SUPT3H: variants seen among roughly 807,000 people sequenced by gnomAD.
The protein encoded by SUPT3H is SPT3 homolog, SAGA and STAGA complex component.
In SUPT3H, 44 loss-of-function variants were observed where a neutral mutation model predicts 44.3. That is an observed-to-expected ratio of 0.99 (90% CI 0.78 to 1.28). The LOEUF is 1.28. SUPT3H is among the 50% of genes most tolerant of loss of function. The probability of loss-of-function intolerance (pLI) is 0.00; values close to 1 mark genes in which losing one functional copy is unlikely to be tolerated. For synonymous variants in SUPT3H, 124 were observed against 125.6 expected (o/e 0.99, Z 0.09); for missense variants, 380 against 387.1 (o/e 0.98, Z 0.15).
chr6:45,060,764 A>C (rs1791876488), intron 3 of SUPT3H, among the ~76,000 whole-genome samples: 1 of 152,178 alleles, frequency 6.6e-6, no homozygotes, highest in African/African-American at 2.4e-5. Flanking sequence ...AAAAATACAC[A>C]ACCCCATTAA....
intron 3 of SUPT3H, among the ~76,000 whole-genome samples, chr6:45,056,672 T>C (rs1460263137): frequency 1.3e-5 from 2 of 152,104 alleles, no homozygotes; most frequent in Non-Finnish European, 2.9e-5. Context: ...GGCATGAGAA[T>C]GACACAGTGG....
At chr6:45,239,173 G>C (rs538461135) in intron 2 of SUPT3H, among the ~76,000 whole-genome samples, 1 of 152,154 alleles carries the variant, frequency 6.6e-6, no homozygotes, top group South Asian at 2.1e-4. Flanking sequence ...ACAATTAATT[G>C]AAAGTGCTCA....
intron 2 of SUPT3H, among the ~76,000 whole-genome samples, chr6:45,247,851 G>A (rs1398871258): frequency 6.6e-6 from 1 of 152,166 alleles, no homozygotes; most frequent in Non-Finnish European, 1.5e-5. Context: ...TCAAGACAGT[G>A]TGGTAATGGA....
chr6:44,956,922 C>G (rs1055866308), intron 7 of SUPT3H, among the ~76,000 whole-genome samples: 1 of 152,160 alleles, frequency 6.6e-6, no homozygotes, highest in Non-Finnish European at 1.5e-5. Context: ...GAAGACCATG[C>G]CTTATGTCTC....
chr6:44,818,441 A>G (rs1029633975), intron 11 of SUPT3H, among the ~76,000 whole-genome samples: 2 of 152,162 alleles, frequency 1.3e-5, no homozygotes, highest in African/African-American at 4.8e-5. Flanking sequence ...CATACAGTAT[A>G]AGCCATAAAA....
intron 10 of SUPT3H, among the ~76,000 whole-genome samples, chr6:44,928,885 A>AATAAAT (rs1424280912): frequency 9.9e-5 from 12 of 120,686 alleles, no homozygotes; most frequent in African/African-American, 4.0e-4. Context: ...TCCGTCTCAA[A>AATAAAT]AAAAAAAAAA....
intron 2 of SUPT3H, among the ~76,000 whole-genome samples, chr6:45,295,532 A>C (rs1781018310): frequency 6.9e-6 from 1 of 145,302 alleles, no homozygotes; most frequent in African/African-American, 2.6e-5. Flanking sequence ...AGCAAAAAAA[A>C]AAAAAAAAAA....
intron 2 of SUPT3H, among the ~76,000 whole-genome samples, chr6:45,319,294 A>G (rs1159718073): frequency 6.6e-6 from 1 of 152,172 alleles, no homozygotes; most frequent in Non-Finnish European, 1.5e-5. Flanking sequence ...TTGGAACTTT[A>G]TCATAAATGA....
At chr6:45,029,345 A>ATG (rs1403928379) in intron 3 of SUPT3H, among the ~76,000 whole-genome samples, 1 of 141,638 alleles carries the variant, frequency 7.1e-6, no homozygotes, top group Non-Finnish European at 1.5e-5. Flanking sequence ...TTGTATGTGT[A>ATG]TATATATATA....
chr6:44,907,628 A>G (rs2153451449), intron 10 of SUPT3H, among the ~76,000 whole-genome samples: 1 of 152,334 alleles, frequency 6.6e-6, no homozygotes, highest in South Asian at 2.1e-4. Flanking sequence ...CAGTGAGCCC[A>G]GATCATGCCA....
intron 2 of SUPT3H, among the ~76,000 whole-genome samples, chr6:45,253,516 C>T (rs548811508): frequency 6.6e-6 from 1 of 152,112 alleles, no homozygotes; most frequent in Admixed American, 6.5e-5. Context: ...ATAAGCTGGG[C>T]CCAGTGGCTC....
chr6:45,261,689 T>C (rs1774393081), intron 2 of SUPT3H, among the ~76,000 whole-genome samples: 2 of 152,022 alleles, frequency 1.3e-5, no homozygotes, highest in Admixed American at 1.3e-4. Context: ...GCCACCACTC[T>C]CACCACATCT....
At chr6:45,357,062 A>G (rs1419787031) in intron 2 of SUPT3H, among the ~76,000 whole-genome samples, 1 of 152,152 alleles carries the variant, frequency 6.6e-6, no homozygotes, top group Non-Finnish European at 1.5e-5. Context: ...GCTGGAGTGC[A>G]GTGGCACGAT....
chr6:44,885,668 A>C (rs1762139870), intron 10 of SUPT3H, among the ~76,000 whole-genome samples: 1 of 152,208 alleles, frequency 6.6e-6, no homozygotes. Flanking sequence ...GATGGGGAAA[A>C]AACAGAGCAG....
chr6:44,819,787 AAAAGG>A (rs1323281212), intron 11 of SUPT3H, among the ~76,000 whole-genome samples: 6 of 152,100 alleles, frequency 3.9e-5, no homozygotes, highest in African/African-American at 1.4e-4. Context: ...AAAAAAAGAA[AAAAGG>A]AAATATATTG....
At chr6:45,204,393 T>C (rs1383404178) in intron 2 of SUPT3H, among the ~76,000 whole-genome samples, 1 of 152,078 alleles carries the variant, frequency 6.6e-6, no homozygotes. Context: ...GATACAGCCA[T>C]GCAGAAGATA....
chr6:45,053,988 A>G (rs1486347354), intron 3 of SUPT3H, among the ~76,000 whole-genome samples: 9 of 148,938 alleles, frequency 6.0e-5, no homozygotes, highest in African/African-American at 2.2e-4. Flanking sequence ...GTGACAGGTG[A>G]GCTCGCCTAT....
At chr6:45,024,713 AGT>A (rs1483247138) in intron 3 of SUPT3H, among the ~76,000 whole-genome samples, 1 of 152,108 alleles carries the variant, frequency 6.6e-6, no homozygotes, top group African/African-American at 2.4e-5. Flanking sequence ...TTATTCCGGG[AGT>A]GACTATGAGG....
At chr6:45,069,705 A>G (rs1562391382) in intron 3 of SUPT3H, among the ~76,000 whole-genome samples, 1 of 152,204 alleles carries the variant, frequency 6.6e-6, no homozygotes, top group Admixed American at 6.5e-5. Context: ...AAACCACCAA[A>G]AAATCCATAG....
Sources: allele counts gnomAD v4.1 joint callset (sites outside exome capture counted in the v4.1 genomes callset), GRCh38; gene constraint gnomAD v4.1.1; transcripts MANE v1.5; gene names NCBI Gene and HGNC (gene_info 2026-07-23, HGNC 2026-07-21).